Variants in MMP15 observed in about 807,000 individuals in gnomAD.
MMP15 encodes matrix metallopeptidase 15, also known as matrix metalloproteinase-15.
MMP15 carries 36 observed loss-of-function variants against 65.0 expected under a neutral mutation model. The observed-to-expected ratio is 0.55, with a 90% confidence interval of 0.42 to 0.73. The LOEUF is 0.73. Among genes scored for constraint, MMP15 ranks in the 30% least tolerant of loss-of-function variants. The pLI, the probability that MMP15 is intolerant of heterozygous loss-of-function variation, is 0.00. For synonymous variants in MMP15, 428 were observed against 410.2 expected (o/e 1.04, Z -0.52); for missense variants, 870 against 987.8 (o/e 0.88, Z 1.60).
chr16:58,037,100 C>T (rs1159777965), intron 1 of MMP15, among the ~76,000 whole-genome samples: 1 of 152,160 alleles, frequency 6.6e-6, no homozygotes, highest in Non-Finnish European at 1.5e-5. Context: ...GCAGCAGAGG[C>T]AGGAAGTGCA....
At chr16:58,028,863 A>G (rs1963859861) in intron 1 of MMP15, among the ~76,000 whole-genome samples, 1 of 152,204 alleles carries the variant, frequency 6.6e-6, no homozygotes, top group Admixed American at 6.5e-5. Flanking sequence ...GCCACGTCCT[A>G]TCCCACATTC....
chr16:58,027,243 C>T (rs1963835146), intron 1 of MMP15, among the ~76,000 whole-genome samples: 1 of 152,218 alleles, frequency 6.6e-6, no homozygotes, highest in Non-Finnish European at 1.5e-5. Flanking sequence ...CCTCTCTTCG[C>T]TAGGAGCCCG....
chr16:58,038,246 C>T lies in MMP15; in HGVS notation c.312-20C>T. On this transcript the variant is annotated intron_variant, in intron 2 of 9. Transcript: ENST00000219271. ...GTGGAGGGGAGGCTCCGTGCTCACC[C>T]CTCTGTGTCCATGTCCCAGGTGGAT... 1.2e-6 allele frequency: 2 copies of T among 1,612,840 alleles called. No homozygotes were observed. The highest frequency in any genetic ancestry group is 1.1e-5 in the South Asian group (1 of 91,034).
intron 6 of MMP15, among the ~76,000 whole-genome samples, 163 bp downstream of exon 6, chr16:58,042,033 A>G (rs1350653049): frequency 2.6e-5 from 4 of 152,218 alleles, no homozygotes; most frequent in African/African-American, 9.6e-5. Context: ...AGGGTCACAC[A>G]GCAAGCCCTG....
chr16:58,031,517 C>G (rs1356205189), intron 1 of MMP15, among the ~76,000 whole-genome samples: 1 of 152,112 alleles, frequency 6.6e-6, no homozygotes, highest in Non-Finnish European at 1.5e-5. Context: ...CAGCCAGGCC[C>G]GAAACTCCTG....
intron 4 of MMP15, 44 bp downstream of exon 4, chr16:58,040,226 G>A (rs752364650): frequency 3.5e-5 from 55 of 1,562,834 alleles, no homozygotes; most frequent in Middle Eastern, 1.7e-4. Context: ...AGGTGGCCCC[G>A]GAGCTGGGCA....
In MMP15 at chr16:58,040,645, T is replaced by C; in HGVS notation, c.857T>C (p.Val286Ala). 5.0e-6 allele frequency: 8 copies of C among 1,614,190 alleles called. No homozygotes were observed. Among genetic ancestry groups the C allele is most frequent in the Non-Finnish European group, 6.8e-6 (8 of 1,180,030 alleles). Residue 286 changes from valine to alanine, a missense_variant, in exon 5 of 10, where the codon GTT becomes GCT. Val to Ala is a moderately conservative substitution (Grantham distance 64). Coordinates refer to ENST00000219271, the MANE Select transcript of MMP15 (RefSeq NM_002428.4). ...GCGCCGTTCTACCAGTGGAAGGACGTTGACAACTTCAAGCTGCCCGAGGAC... is the reference window on the plus strand; with the variant it reads ...GCGCCGTTCTACCAGTGGAAGGACGCTGACAACTTCAAGCTGCCCGAGGAC... Reference protein sequence around the residue: ...IMAPFYQWKDVDNFKLPEDDL... With the variant: ...IMAPFYQWKDADNFKLPEDDL...
intron 9 of MMP15, among the ~76,000 whole-genome samples, chr16:58,044,211 C>G (rs569965296): frequency 6.6e-6 from 1 of 152,122 alleles, no homozygotes; most frequent in Non-Finnish European, 1.5e-5. Flanking sequence ...TTGGAGAGGC[C>G]GATGCGAGAG....
At chr16:58,039,537 C>T (rs1467924885) in intron 3 of MMP15, among the ~76,000 whole-genome samples, 1 of 152,244 alleles carries the variant, frequency 6.6e-6, no homozygotes, top group Non-Finnish European at 1.5e-5. Flanking sequence ...GACCCTGGAG[C>T]TCAACATTGA....
At position 58,026,556 on chromosome 16, in the gene MMP15, G is replaced by A. The variant is rs771008844; in HGVS notation, c.162+44G>A. On this transcript the variant is annotated intron_variant, in intron 1 of 9. Coordinates refer to ENST00000219271, the MANE Select transcript of MMP15 (RefSeq NM_002428.4). ...CCTTTGGCTGCGGGCTGGGGGCTTG[G>A]AGGGAGAGGCGCCACGTCCGCAGGC... 7 of 1,287,156 alleles carry A rather than the reference G, an allele frequency of 5.4e-6. No homozygotes were observed. The Admixed American group carries it at 1.7e-4, about 31-fold the overall frequency. The allele number at this position is 1,287,156 out of a possible 1,614,324, so 79.7% of individuals were successfully genotyped here.
intron 1 of MMP15, among the ~76,000 whole-genome samples, chr16:58,027,738 C>T (rs370086526): frequency 1.4e-4 from 21 of 152,290 alleles, no homozygotes; most frequent in African/African-American, 5.1e-4. Flanking sequence ...TCGAGTTACA[C>T]CTCCCAGCCA....
At chr16:58,032,210 C>G (rs894202553) in intron 1 of MMP15, among the ~76,000 whole-genome samples, 5 of 152,194 alleles carry the variant, frequency 3.3e-5, no homozygotes, top group African/African-American at 4.8e-5. Context: ...GCGCCATCGG[C>G]GCTCTCAACG....
chr16:58,029,117 C>T (rs1024643026), intron 1 of MMP15, among the ~76,000 whole-genome samples: 4 of 152,224 alleles, frequency 2.6e-5, no homozygotes, highest in Non-Finnish European at 5.9e-5. Flanking sequence ...CAAAACCGAT[C>T]CACCCGCCTT....
In MMP15 at chr16:58,040,569, C is replaced by A; in HGVS notation, c.781C>A (p.Leu261Met). Residue 261 changes from leucine to methionine, a missense_variant, in exon 5 of 10, where the codon CTG becomes ATG. Leu to Met is a conservative substitution (Grantham distance 15, BLOSUM62 2). Coordinates refer to ENST00000219271, the MANE Select transcript of MMP15 (RefSeq NM_002428.4). ...CCTCTTCCTGGTGGCAGTGCATGAG[C>A]TGGGCCACGCGCTGGGGCTGGAGCA... ...NNLFLVAVHE[L>M]GHALGLEHSS... The A allele has an allele frequency of 6.2e-7, 1 of 1,613,940 alleles. No homozygotes were observed. The highest frequency in any genetic ancestry group is 2.2e-5 in the East Asian group (1 of 44,880).
chr16:58,033,603 G>C (rs1219351025), intron 1 of MMP15, among the ~76,000 whole-genome samples: 1 of 152,216 alleles, frequency 6.6e-6, no homozygotes, highest in Non-Finnish European at 1.5e-5. Flanking sequence ...GATGGGGTCT[G>C]GAAGTCAAGA....
At chr16:58,031,456 G>T (rs1452755024) in intron 1 of MMP15, among the ~76,000 whole-genome samples, 1 of 152,136 alleles carries the variant, frequency 6.6e-6, no homozygotes, top group African/African-American at 2.4e-5. Flanking sequence ...CCCCGTCTAG[G>T]AGTCAGCACC....
chr16:58,045,758 A>G lies in MMP15; in HGVS notation c.*312A>G. On this transcript the variant is annotated 3_prime_UTR_variant, in exon 10 of 10. Coordinates refer to ENST00000219271, the MANE Select transcript of MMP15 (RefSeq NM_002428.4). ...CAGGGGAGCAGAGGGGCAGAGGCCCACATTGGAAGAGCAGCACCTCCTCAG... is the reference window on the plus strand; with the variant it reads ...CAGGGGAGCAGAGGGGCAGAGGCCCGCATTGGAAGAGCAGCACCTCCTCAG... 2.7e-6 allele frequency: 1 copy of G among 373,096 alleles called. No homozygotes were observed. The highest frequency in any genetic ancestry group is 4.8e-6 in the Non-Finnish European group (1 of 207,928). 23.1% of individuals were successfully genotyped at this position (373,096 alleles called of 1,614,324 possible).
At chr16:58,033,080 C>T (rs1054234502) in intron 1 of MMP15, among the ~76,000 whole-genome samples, 3 of 152,326 alleles carry the variant, frequency 2.0e-5, no homozygotes, top group African/African-American at 4.8e-5. Flanking sequence ...CCCACCGTGG[C>T]GGCTGCTCAC....
chr16:58,043,024 C>T (rs924869961), intron 7 of MMP15, among the ~76,000 whole-genome samples, 186 bp from the exon 8 acceptor site: 1 of 152,102 alleles, frequency 6.6e-6, no homozygotes. Flanking sequence ...CTCTTGCTCA[C>T]GGGAACAAGT....
Sources: allele counts gnomAD v4.1 joint callset (sites outside exome capture counted in the v4.1 genomes callset), GRCh38; gene constraint gnomAD v4.1.1; transcripts MANE v1.5; gene names NCBI Gene and HGNC (gene_info 2026-07-23, HGNC 2026-07-21).